The following GALNT17 variants were observed in gnomAD, a reference collection of about 807,000 sequenced individuals.
GALNT17 encodes polypeptide N-acetylgalactosaminyltransferase 17, also known as UDP-GalNAc:polypeptide N-acetylgalactosaminyltransferase-like 3.
Under a neutral mutation model 63.7 loss-of-function variants are expected in GALNT17, and 29 were observed. The ratio of observed to expected loss-of-function variants is 0.46; its 90% CI spans 0.34 to 0.62. GALNT17 has a LOEUF of 0.62. Ranked by LOEUF, GALNT17 falls within the 20% of genes least tolerant of loss-of-function variation. GALNT17 has a pLI of 0.01. For missense variants in GALNT17, 603 were observed against 799.6 expected, an observed-to-expected ratio of 0.75 and a Z score of 2.97; for synonymous variants, 305 against 318.3, an observed-to-expected ratio of 0.96 and a Z score of 0.45.
chr7:71,321,902 C>CCTTCCTTCCTTCCTTTCTTT (rs1554353220), intron 1 of GALNT17, among the ~76,000 whole-genome samples: 1 of 70,006 alleles, frequency 1.4e-5, no homozygotes, highest in East Asian at 5.5e-4. Flanking sequence ...TTCCTTCCTT[C>CCTTCCTTCCTTCCTTTCTTT]CTTCCTTCCT....
chr7:71,612,098 T>A (rs1398294658), intron 6 of GALNT17, among the ~76,000 whole-genome samples: 1 of 152,208 alleles, frequency 6.6e-6, no homozygotes, highest in African/African-American at 2.4e-5. Flanking sequence ...GTATTGACAA[T>A]GTACATTAAA....
At chr7:71,429,337 T>C (rs1786818385) in intron 5 of GALNT17, among the ~76,000 whole-genome samples, 1 of 152,160 alleles carries the variant, frequency 6.6e-6, no homozygotes, top group South Asian at 2.1e-4. Context: ...GGAAAGGTCA[T>C]GCTGTCTGAC....
intron 4 of GALNT17, among the ~76,000 whole-genome samples, chr7:71,416,849 G>A (rs1434660529): frequency 6.6e-6 from 1 of 152,196 alleles, no homozygotes; most frequent in Non-Finnish European, 1.5e-5. Flanking sequence ...GGAGGAAGGT[G>A]AAGCGCATTT....
chr7:71,146,299 A>G (rs746417530), intron 1 of GALNT17, among the ~76,000 whole-genome samples: 1 of 152,074 alleles, frequency 6.6e-6, no homozygotes, highest in African/African-American at 2.4e-5. Flanking sequence ...GTCCGCTGGG[A>G]TATGCTGAGG....
intron 2 of GALNT17, among the ~76,000 whole-genome samples, chr7:71,379,904 A>G (rs1792812997): frequency 6.6e-6 from 1 of 152,110 alleles, no homozygotes; most frequent in South Asian, 2.1e-4. Flanking sequence ...GTGAAGGGCA[A>G]AAGAAGGAGC....
At chr7:71,644,546 A>AAAACAAAC (rs1554318998) in intron 6 of GALNT17, among the ~76,000 whole-genome samples, 4 of 100,226 alleles carry the variant, frequency 4.0e-5, no homozygotes, top group African/African-American at 8.6e-5. Flanking sequence ...AAAAAAAAAA[A>AAAACAAAC]AAACAAAAGA....
Position 71,377,114 on chromosome 7 carries a change from A to AAAAAATATATATATATATAT in GALNT17, c.423-11120_423-11119insAAAATATATATATATATATA. On this transcript the variant is annotated intron_variant, in intron 2 of 10. Coordinates refer to ENST00000333538, the MANE Select transcript of GALNT17 (RefSeq NM_022479.3). ...AAAAAAAAAAAATAAAAATAAAAAAAATATATATATATATATATATATATA... is the reference window on the plus strand; with the variant it reads ...AAAAAAAAAAAATAAAAATAAAAAAAAAAAATATATATATATATATATATATATATATATATATATATATA... 4.0e-4 allele frequency among the ~76,000 whole-genome samples: 23 copies of AAAAAATATATATATATATAT among 57,452 alleles called. 1 individual carries two copies. Among genetic ancestry groups the AAAAAATATATATATATATAT allele is most frequent in the Admixed American group, 1.8e-3 (7 of 3,988 alleles). 37.7% of individuals were successfully genotyped at this position (57,452 alleles called of 152,430 possible).
intron 1 of GALNT17, among the ~76,000 whole-genome samples, chr7:71,169,610 C>G (rs1788508520): frequency 6.6e-6 from 1 of 152,178 alleles, no homozygotes; most frequent in Non-Finnish European, 1.5e-5. Flanking sequence ...GGCTAGAGTA[C>G]AGTGGCGTGA....
chr7:71,663,329 G>A (rs1584120783), intron 6 of GALNT17, among the ~76,000 whole-genome samples: 1 of 152,182 alleles, frequency 6.6e-6, no homozygotes, highest in Non-Finnish European at 1.5e-5. Flanking sequence ...CTTGAACATG[G>A]TATATCTTTT....
intron 1 of GALNT17, among the ~76,000 whole-genome samples, chr7:71,294,940 C>T (rs116383862): frequency 0.018 from 2,792 of 152,234 alleles, 26 homozygotes; most frequent in Middle Eastern, 0.034. Context: ...CGATAGTCTG[C>T]ATTAATGTTG....
At chr7:71,263,874 A>G (rs1790438500) in intron 1 of GALNT17, among the ~76,000 whole-genome samples, 1 of 151,908 alleles carries the variant, frequency 6.6e-6, no homozygotes, top group East Asian at 1.9e-4. Flanking sequence ...CAGTGAGCCG[A>G]GATCACACCA....
intron 1 of GALNT17, among the ~76,000 whole-genome samples, chr7:71,219,974 T>G (rs1789554152): frequency 6.6e-6 from 1 of 152,224 alleles, no homozygotes; most frequent in Non-Finnish European, 1.5e-5. Context: ...ATTCATTTGT[T>G]GAGTCCTGTG....
intron 6 of GALNT17, among the ~76,000 whole-genome samples, chr7:71,642,931 T>C (rs749312506): frequency 3.3e-5 from 5 of 152,198 alleles, no homozygotes; most frequent in Non-Finnish European, 5.9e-5. Context: ...TCATTAAATC[T>C]ACGGAAAATG....
At chr7:71,233,970 T>C (rs952365071) in intron 1 of GALNT17, among the ~76,000 whole-genome samples, 3 of 152,048 alleles carry the variant, frequency 2.0e-5, no homozygotes, top group African/African-American at 7.3e-5. Context: ...CCACACACTT[T>C]TAAACAATCA....
At chr7:71,361,987 C>T (rs544798705) in intron 2 of GALNT17, among the ~76,000 whole-genome samples, 153 of 152,132 alleles carry the variant, frequency 1.0e-3, no homozygotes, top group Non-Finnish European at 1.8e-3. Context: ...GATGGAGTCT[C>T]CCTCAGTTGC....
chr7:71,306,076 C>G (rs764359553), intron 1 of GALNT17, among the ~76,000 whole-genome samples: 8 of 151,972 alleles, frequency 5.3e-5, no homozygotes, highest in Non-Finnish European at 8.8e-5. Context: ...TAAAATTAGG[C>G]GGGTGTGGTG....
intron 1 of GALNT17, among the ~76,000 whole-genome samples, chr7:71,195,812 G>A (rs1445481740): frequency 6.6e-6 from 1 of 152,020 alleles, no homozygotes; most frequent in Admixed American, 6.6e-5. Flanking sequence ...TCCTCTCAAA[G>A]CGCTGGGGTT....
intron 3 of GALNT17, among the ~76,000 whole-genome samples, chr7:71,411,733 T>C (rs913547699): frequency 6.6e-6 from 1 of 152,132 alleles, no homozygotes; most frequent in African/African-American, 2.4e-5. Context: ...ATTTCTTTTT[T>C]CTCACTGGTA....
chr7:71,339,933 C>A (rs1407826635), intron 2 of GALNT17, among the ~76,000 whole-genome samples: 6 of 151,998 alleles, frequency 3.9e-5, no homozygotes, highest in Non-Finnish European at 5.9e-5. Context: ...GGAAAAAAAA[C>A]CACAACAGGT....
Sources: gnomAD v4.1 joint callset for allele counts (sites outside exome capture counted in the v4.1 genomes callset) on GRCh38, gnomAD v4.1.1 for gene constraint, MANE v1.5 for transcripts, NCBI Gene and HGNC (gene_info 2026-07-23, HGNC 2026-07-21) for gene names.